Variants in CAMTA1 observed in about 807,000 individuals in gnomAD.
The protein encoded by CAMTA1 is calmodulin binding transcription activator 1.
In CAMTA1, 27 loss-of-function variants were observed where a neutral mutation model predicts 170.9. That is an observed-to-expected ratio of 0.16 (90% confidence interval 0.12 to 0.22). CAMTA1 has a LOEUF of 0.22. Ranked by LOEUF, CAMTA1 falls within the 10% of genes least tolerant of loss-of-function variation. CAMTA1 has a pLI of 1.00. For synonymous variants in CAMTA1, 833 were observed against 891.5 expected, an observed-to-expected ratio of 0.93 and a Z score of 1.17; for missense variants, 1,619 against 2,217.2, an observed-to-expected ratio of 0.73 and a Z score of 5.42.
At chr1:7,481,285 C>T (rs2796483) in intron 6 of CAMTA1, among the ~76,000 whole-genome samples, 80,619 of 152,054 alleles carry the variant, frequency 0.53, 21,722 homozygotes, top group African/African-American at 0.61. Context: ...AAAACCTTAC[C>T]GTGACCTCTG....
At chr1:7,255,541 A>G (rs1368913021) in intron 5 of CAMTA1, among the ~76,000 whole-genome samples, 1 of 152,014 alleles carries the variant, frequency 6.6e-6, no homozygotes, top group Non-Finnish European at 1.5e-5. Flanking sequence ...TTCTTTAGCC[A>G]GAAGTGATGA....
intron 3 of CAMTA1, among the ~76,000 whole-genome samples, chr1:6,913,299 T>C (rs1346836270): frequency 1.3e-5 from 2 of 152,172 alleles, no homozygotes; most frequent in Admixed American, 1.3e-4. Flanking sequence ...TCTGACCCAG[T>C]GTGTGCAGTG....
chr1:7,078,680 A>G (rs981664843), intron 3 of CAMTA1, among the ~76,000 whole-genome samples: 3 of 152,268 alleles, frequency 2.0e-5, no homozygotes, highest in Non-Finnish European at 2.9e-5. Flanking sequence ...AAACAATGAT[A>G]AAACTGGATA....
chr1:7,326,990 G>A (rs2149716270), intron 5 of CAMTA1, among the ~76,000 whole-genome samples: 1 of 152,130 alleles, frequency 6.6e-6, no homozygotes, highest in Admixed American at 6.5e-5. Flanking sequence ...AGAAGGAGGA[G>A]GTGATATGCT....
Position 7,736,327 on chromosome 1 carries a change from G to T in CAMTA1, c.3067-17G>T. ...GCCTTTAGTCCTGAGGTCGTAACGT[G>T]CGCTTTTTTGTGACAGTGTGCTTCT... On this transcript the variant is annotated splice_polypyrimidine_tract_variant and intron_variant, in intron 12 of 22. Transcript: ENST00000303635. This position sits in a 1 kb window ranked among gnomAD's most constrained non-coding sequence, Gnocchi z 4.5. 1 of 1,611,948 alleles carries T rather than the reference G, an allele frequency of 6.2e-7. No homozygotes were observed. Among genetic ancestry groups the T allele is most frequent in the Admixed American group, 1.7e-5 (1 of 59,624 alleles).
chr1:7,636,924 C>T (rs1576521574), intron 6 of CAMTA1, among the ~76,000 whole-genome samples: 1 of 152,192 alleles, frequency 6.6e-6, no homozygotes, highest in South Asian at 2.1e-4. Context: ...GATGTTCAGA[C>T]AATTAAAACA....
intron 3 of CAMTA1, among the ~76,000 whole-genome samples, chr1:6,942,826 G>T (rs144091178): frequency 1.7e-4 from 26 of 152,326 alleles, no homozygotes; most frequent in African/African-American, 6.0e-4. Flanking sequence ...GGCCAGCTGT[G>T]ATGGGCAGCA....
At chr1:7,147,846 G>A (rs536122908) in intron 4 of CAMTA1, among the ~76,000 whole-genome samples, 30 of 105,650 alleles carry the variant, frequency 2.8e-4, no homozygotes, top group African/African-American at 1.0e-3. Flanking sequence ...CATATACCAT[G>A]CACACACACA....
At chr1:7,165,820 A>G (rs1177630068) in intron 4 of CAMTA1, among the ~76,000 whole-genome samples, 1 of 152,148 alleles carries the variant, frequency 6.6e-6, no homozygotes, top group Non-Finnish European at 1.5e-5. Context: ...GCAGATTTTA[A>G]AAGTTTATAT....
At chr1:6,800,346 G>A (rs1643589874) in intron 1 of CAMTA1, among the ~76,000 whole-genome samples, 1 of 152,092 alleles carries the variant, frequency 6.6e-6, no homozygotes, top group South Asian at 2.1e-4. Flanking sequence ...GGTCAAGGCT[G>A]CAGTGAGCTA....
rs1236722204 is a variant in CAMTA1 at position 7,333,798 on chromosome 1, G to A, written c.438+84172G>A. ...TTTGCTTTGCCGTTTGCAGTCTCTT[G>A]AATAAAGCATTTTTGTAGCCTCCTC... On this transcript the variant is annotated intron_variant, in intron 5 of 22. Transcript: ENST00000303635. The surrounding 1 kb of genome is among the most constrained non-coding windows in gnomAD (Gnocchi z 4.4). Among the ~76,000 whole-genome samples, 2 of 152,214 alleles carry A rather than the reference G, an allele frequency of 1.3e-5. No homozygotes were observed. Among genetic ancestry groups the A allele is most frequent in the Admixed American group, 6.5e-5 (1 of 15,288 alleles).
intron 3 of CAMTA1, among the ~76,000 whole-genome samples, chr1:7,027,696 T>C (rs935716415): frequency 6.6e-6 from 1 of 152,050 alleles, no homozygotes; most frequent in African/African-American, 2.4e-5. Flanking sequence ...CATGCAAAGC[T>C]GAAAAATGTG....
intron 4 of CAMTA1, among the ~76,000 whole-genome samples, chr1:7,165,185 G>C (rs910327730): frequency 1.3e-5 from 2 of 152,186 alleles, no homozygotes; most frequent in Admixed American, 6.5e-5. Flanking sequence ...ATAGAAATGA[G>C]TGGTTGGAGA....
At chr1:7,529,372 T>C in intron 6 of CAMTA1, among the ~76,000 whole-genome samples, 1 of 152,114 alleles carries the variant, frequency 6.6e-6, no homozygotes, top group East Asian at 1.9e-4. Flanking sequence ...GTGCATACCA[T>C]GTGGGAATCT....
intron 6 of CAMTA1, among the ~76,000 whole-genome samples, chr1:7,498,496 AGTGTGG>A (rs891061199): frequency 1.3e-5 from 2 of 150,062 alleles, no homozygotes; most frequent in African/African-American, 2.5e-5. Flanking sequence ...TATGAGAGTG[AGTGTGG>A]GTGTGGGTGT....
At chr1:7,450,923 G>A (rs568790255) in intron 5 of CAMTA1, among the ~76,000 whole-genome samples, 2 of 152,314 alleles carry the variant, frequency 1.3e-5, no homozygotes, top group South Asian at 4.1e-4. Context: ...CCACCCCCAG[G>A]AGGATCATCC....
chr1:7,294,921 G>A (rs950432604), intron 5 of CAMTA1, among the ~76,000 whole-genome samples: 1 of 152,098 alleles, frequency 6.6e-6, no homozygotes, highest in African/African-American at 2.4e-5. Flanking sequence ...CGTGACTCCC[G>A]ACTCCCCTCT....
intron 7 of CAMTA1, among the ~76,000 whole-genome samples, chr1:7,660,874 G>A (rs2095950218): frequency 6.6e-6 from 1 of 152,236 alleles, no homozygotes; most frequent in African/African-American, 2.4e-5. Context: ...GAGACAGCTG[G>A]ATTGCTCCAT....
rs1325287596 is a variant in CAMTA1 at position 7,633,540 on chromosome 1, G to C, written c.511-6860G>C. On this transcript the variant is annotated intron_variant, in intron 6 of 22. Transcript: ENST00000303635. This position sits in a 1 kb window ranked among gnomAD's most constrained non-coding sequence, Gnocchi z 4.1. ...GTCCCTCTAGAAGACATGCCTGGGG[G>C]TTCTCCAGGATTGGTCCTGAGACAC... Among the ~76,000 whole-genome samples, 3 of 152,184 alleles carry C rather than the reference G, an allele frequency of 2.0e-5. No individual in the cohort carries two copies. Among genetic ancestry groups the C allele is most frequent in the Non-Finnish European group, 2.9e-5 (2 of 68,022 alleles).
Sources: allele counts gnomAD v4.1 joint callset (sites outside exome capture counted in the v4.1 genomes callset), GRCh38; gene constraint gnomAD v4.1.1; non-coding constraint Gnocchi (gnomAD v3.1); transcripts MANE v1.5; gene names NCBI Gene and HGNC (gene_info 2026-07-23, HGNC 2026-07-21).